TPO: variants seen among roughly 807,000 people sequenced by gnomAD.
The protein encoded by TPO is thyroid peroxidase, also known as thyroid microsomal antigen.
A neutral mutation model predicts 96.9 loss-of-function variants in TPO; 78 were observed. That is an observed-to-expected ratio of 0.81 (90% CI 0.67 to 0.97). The LOEUF is 0.97. TPO is among the 50% of genes least tolerant of loss of function. The pLI is 0.00. For missense variants in TPO, 1,252 were observed against 1,274.8 expected, an observed-to-expected ratio of 0.98 and a Z score of 0.27; for synonymous variants, 547 against 538.0, an observed-to-expected ratio of 1.02 and a Z score of -0.23.
At chr2:1,428,383 G>A (rs1283421640) in intron 3 of TPO, among the ~76,000 whole-genome samples, 1 of 152,190 alleles carries the variant, frequency 6.6e-6, no homozygotes, top group African/African-American at 2.4e-5. Context: ...ACATGGACAT[G>A]ACGGGAAAGT....
At chr2:1,466,920 G>T (rs1021170290) in intron 7 of TPO, among the ~76,000 whole-genome samples, 2 of 151,806 alleles carry the variant, frequency 1.3e-5, no homozygotes, top group African/African-American at 4.8e-5. Context: ...CCTTTCTTCT[G>T]CTGGGTTTGG....
intron 14 of TPO, among the ~76,000 whole-genome samples, chr2:1,507,136 T>C (rs1373817237): frequency 6.6e-6 from 1 of 152,236 alleles, no homozygotes; most frequent in Admixed American, 6.5e-5. Context: ...ATTTATTAAA[T>C]AGGGAATCAT....
At chr2:1,400,148 G>A (rs764122110) in intron 1 of TPO, among the ~76,000 whole-genome samples, 1 of 152,138 alleles carries the variant, frequency 6.6e-6, no homozygotes, top group Non-Finnish European at 1.5e-5. Flanking sequence ...ATAGGGGAGA[G>A]GCTCCTAGGT....
At chr2:1,385,482 C>G (rs1006649646) in intron 1 of TPO, among the ~76,000 whole-genome samples, 1 of 152,072 alleles carries the variant, frequency 6.6e-6, no homozygotes, top group Non-Finnish European at 1.5e-5. Flanking sequence ...TCTAGATTTT[C>G]TAGTTTATTT....
rs1356293292 is a variant in TPO at position 1,541,159 on chromosome 2, A to G, written c.2748+436A>G. 6 of 1,176,846 alleles carry G rather than the reference A, an allele frequency of 5.1e-6. No homozygotes were observed. In the East Asian group the frequency reaches 3.5e-4, roughly 69 times the overall value. 72.9% of individuals were successfully genotyped at this position (1,176,846 alleles called of 1,614,324 possible). The stretch of plus-strand genomic sequence containing the variant: ...TGTATGCAGAACCCCAAGGGAGGCC[A>G]TATCAAAAACTCACTTGTGTAAGTC... On this transcript the variant is annotated intron_variant, in intron 16 of 16. Transcript: ENST00000329066.
At chr2:1,454,293 AACT>A (rs1667584351) in intron 6 of TPO, among the ~76,000 whole-genome samples, 1 of 152,176 alleles carries the variant, frequency 6.6e-6, no homozygotes, top group African/African-American at 2.4e-5. Flanking sequence ...CCTGTAATTT[AACT>A]ACTCATTTCA....
chr2:1,528,734 T>C (rs1261983223), intron 15 of TPO, among the ~76,000 whole-genome samples: 2 of 45,960 alleles, frequency 4.4e-5, no homozygotes, highest in East Asian at 8.1e-4. Flanking sequence ...CTGTGCAACC[T>C]CCCCAAATCC....
intron 16 of TPO, chr2:1,541,167 A>C: frequency 8.5e-7 from 1 of 1,175,914 alleles, no homozygotes; most frequent in Non-Finnish European, 1.1e-6. Flanking sequence ...CCATATCAAA[A>C]ACTCACTTGT....
intron 1 of TPO, among the ~76,000 whole-genome samples, chr2:1,387,797 A>T (rs1260300533): frequency 6.6e-6 from 1 of 152,028 alleles, no homozygotes; most frequent in Non-Finnish European, 1.5e-5. Flanking sequence ...CGATTTTTAG[A>T]ATTTTCAGTT....
intron 15 of TPO, among the ~76,000 whole-genome samples, chr2:1,534,356 C>A: frequency 8.1e-6 from 1 of 123,796 alleles, no homozygotes; most frequent in African/African-American, 2.8e-5. Flanking sequence ...CCTAAGTCGT[C>A]CAACTGTGTT....
chr2:1,386,669 T>G (rs1233599016), intron 1 of TPO, among the ~76,000 whole-genome samples: 2 of 152,220 alleles, frequency 1.3e-5, no homozygotes, highest in African/African-American at 4.8e-5. Flanking sequence ...TTATCCAATT[T>G]GCCAGTCTGT....
intron 5 of TPO, among the ~76,000 whole-genome samples, chr2:1,446,851 G>T (rs1484719949): frequency 6.6e-6 from 1 of 152,060 alleles, no homozygotes; most frequent in Non-Finnish European, 1.5e-5. Context: ...TAAGAATCTT[G>T]CTTTCTCTGA....
At chr2:1,417,086 C>T (rs915494271) in intron 2 of TPO, among the ~76,000 whole-genome samples, 4 of 152,366 alleles carry the variant, frequency 2.6e-5, no homozygotes, top group African/African-American at 4.8e-5. Flanking sequence ...CACAGTCTCA[C>T]GTCCCAGGTC....
chr2:1,452,038 G>A (rs943765240), intron 5 of TPO, among the ~76,000 whole-genome samples: 2 of 151,894 alleles, frequency 1.3e-5, no homozygotes, highest in African/African-American at 4.8e-5. Context: ...CATTCATATA[G>A]TCTTACCATG....
At chr2:1,493,624 C>G (rs1672023440) in intron 10 of TPO, among the ~76,000 whole-genome samples, 178 bp from the exon 11 acceptor site, 1 of 148,932 alleles carries the variant, frequency 6.7e-6, no homozygotes, top group Admixed American at 6.6e-5. Flanking sequence ...TGGGACAGGA[C>G]TCTGCCGGGC....
intron 13 of TPO, among the ~76,000 whole-genome samples, chr2:1,499,406 G>T (rs893601277): frequency 6.6e-6 from 1 of 152,126 alleles, no homozygotes; most frequent in African/African-American, 2.4e-5. Context: ...ACAATTAACA[G>T]CTGTCTGAAG....
chr2:1,455,161 T>C (rs1408267211), intron 6 of TPO, among the ~76,000 whole-genome samples: 3 of 152,182 alleles, frequency 2.0e-5, no homozygotes, highest in Non-Finnish European at 2.9e-5. Context: ...GGCCTCCAAC[T>C]TTAAGGACCC....
chr2:1,396,896 T>C (rs1662089982), intron 1 of TPO, among the ~76,000 whole-genome samples: 1 of 152,382 alleles, frequency 6.6e-6, no homozygotes, highest in African/African-American at 2.4e-5. Context: ...AAATAGTTAA[T>C]GCATTATGTA....
chr2:1,381,161 A>G (rs1661804148), intron 1 of TPO, among the ~76,000 whole-genome samples: 1 of 152,204 alleles, frequency 6.6e-6, no homozygotes, highest in Non-Finnish European at 1.5e-5. Context: ...GCCAGAATTG[A>G]CAAATGGGAT....
Sources: allele counts gnomAD v4.1 joint callset (sites outside exome capture counted in the v4.1 genomes callset), GRCh38; gene constraint gnomAD v4.1.1; transcripts MANE v1.5; gene names NCBI Gene and HGNC (gene_info 2026-07-23, HGNC 2026-07-21).